The following DCDC1 variants were observed in gnomAD, a reference collection of about 807,000 sequenced individuals.
The protein encoded by DCDC1 is doublecortin domain containing 1, also known as doublecortin domain-containing protein 1.
DCDC1 carries 200 observed loss-of-function variants against 178.3 expected under a neutral mutation model. The observed-to-expected ratio is 1.12, with a 90% CI of 1.00 to 1.26. The LOEUF (loss-of-function observed/expected upper bound fraction) is 1.26, where lower values mean the gene tolerates loss of function less well. Ranked by LOEUF, DCDC1 falls within the 50% of genes most tolerant of loss-of-function variation. DCDC1 has a pLI of 0.00. For missense variants in DCDC1, 1,983 were observed against 1,749.2 expected (o/e 1.13, Z -2.38); for synonymous variants, 690 against 604.8 (o/e 1.14, Z -2.07).
chr11:30,910,849 G>A (rs1002459154), intron 28 of DCDC1, among the ~76,000 whole-genome samples: 2 of 152,192 alleles, frequency 1.3e-5, no homozygotes, highest in Non-Finnish European at 2.9e-5. Context: ...AATTTCAAAT[G>A]GGTTGTTTGG....
chr11:31,086,493 T>C (rs527904317), intron 17 of DCDC1, among the ~76,000 whole-genome samples: 1 of 152,342 alleles, frequency 6.6e-6, no homozygotes, highest in African/African-American at 2.4e-5. Flanking sequence ...GTGTGTGGCT[T>C]GTCTTTTCAT....
rs556049420 is a variant in DCDC1 at position 31,285,905 on chromosome 11, T to C, written c.960+4742A>G. Reference sequence around the variant, plus strand: ...CTTGTAGATGTTTTCTATTTCCCGATTTCTGAACTCCCTACACTCATTCTA... The same window carrying C: ...CTTGTAGATGTTTTCTATTTCCCGACTTCTGAACTCCCTACACTCATTCTA... On this transcript the variant is annotated intron_variant, in intron 7 of 38. Transcript: ENST00000684477. 2.0e-5 allele frequency among the ~76,000 whole-genome samples: 3 copies of C among 151,944 alleles called. No homozygotes were observed. In the South Asian group the frequency reaches 6.2e-4, roughly 32 times the overall value.
At chr11:31,050,598 C>T (rs1590879081) in intron 20 of DCDC1, among the ~76,000 whole-genome samples, 1 of 152,260 alleles carries the variant, frequency 6.6e-6, no homozygotes, top group Admixed American at 6.5e-5. Context: ...TCATGGAGTC[C>T]ACTGCACCTG....
At chr11:30,881,036 T>A (rs1942614692) in intron 37 of DCDC1, 122 bp downstream of exon 37, 3 of 1,114,514 alleles carry the variant, frequency 2.7e-6, no homozygotes, top group Admixed American at 5.5e-5. Context: ...TAACATGGAG[T>A]AGAAATGCTT....
intron 1 of DCDC1, among the ~76,000 whole-genome samples, chr11:31,363,412 A>G (rs2133399362): frequency 6.6e-6 from 1 of 152,300 alleles, no homozygotes; most frequent in South Asian, 2.1e-4. Context: ...TAACAATGAT[A>G]CTAATTATGT....
intron 11 of DCDC1, among the ~76,000 whole-genome samples, chr11:31,115,707 C>T (rs1959800666): frequency 6.6e-6 from 1 of 152,060 alleles, no homozygotes; most frequent in South Asian, 2.1e-4. Context: ...GATTTGCCTG[C>T]AGGAAGTTTA....
intron 1 of DCDC1, among the ~76,000 whole-genome samples, chr11:31,349,669 T>A (rs766699797): frequency 9.2e-5 from 14 of 152,140 alleles, no homozygotes; most frequent in Non-Finnish European, 1.6e-4. Context: ...TTTTACAGAT[T>A]TTTTTAAAAC....
chr11:30,909,175 G>A (rs1945276110), intron 28 of DCDC1, 59 bp from the exon 29 acceptor site: 1 of 1,423,976 alleles, frequency 7.0e-7, no homozygotes, highest in Non-Finnish European at 9.4e-7. Context: ...ATAGTGTCTT[G>A]TTTTTCATTG....
At chr11:30,958,122 G>A (rs956504541) in intron 20 of DCDC1, among the ~76,000 whole-genome samples, 7 of 152,134 alleles carry the variant, frequency 4.6e-5, no homozygotes, top group African/African-American at 1.7e-4. Flanking sequence ...GAAAGTATAG[G>A]TAACCAGAGC....
chr11:31,125,106 T>C (rs969451770), intron 11 of DCDC1, among the ~76,000 whole-genome samples: 1 of 152,014 alleles, frequency 6.6e-6, no homozygotes, highest in East Asian at 1.9e-4. Flanking sequence ...CATTAAAAAG[T>C]GGGCAAAGGA....
chr11:30,868,309 G>C (rs976828609), intron 38 of DCDC1, among the ~76,000 whole-genome samples: 1 of 144,120 alleles, frequency 6.9e-6, no homozygotes, highest in African/African-American at 2.7e-5. Flanking sequence ...GGAGTGTAGT[G>C]GTGTGATCTC....
chr11:31,272,316 A>C (rs1259963780), intron 7 of DCDC1, among the ~76,000 whole-genome samples: 1 of 152,132 alleles, frequency 6.6e-6, no homozygotes, highest in Non-Finnish European at 1.5e-5. Flanking sequence ...GGACATAGCC[A>C]AACCATATCA....
At position 31,233,145 on chromosome 11, in the gene DCDC1, G is replaced by T. The variant is rs370872790; in HGVS notation, c.1221+8305C>A. 1.4e-4 allele frequency among the ~76,000 whole-genome samples: 21 copies of T among 151,892 alleles called. No homozygotes were observed. The East Asian group carries it at 4.1e-3, about 29-fold the overall frequency. On this transcript the variant is annotated intron_variant, in intron 9 of 38. Coordinates refer to ENST00000684477, the MANE Select transcript of DCDC1 (RefSeq NM_001387274.1). The stretch of plus-strand genomic sequence containing the variant: ...TTAATCTTCACAACAGCTCAATGAG[G>T]TAAGTATTATTGTCTTATTATCTAT...
At chr11:31,099,426 T>C (rs1958356504) in intron 15 of DCDC1, among the ~76,000 whole-genome samples, 1 of 152,152 alleles carries the variant, frequency 6.6e-6, no homozygotes, top group South Asian at 2.1e-4. Flanking sequence ...TCCCTAATAT[T>C]GAATTAAGAC....
At chr11:30,922,775 C>G in intron 23 of DCDC1, 137 bp from the exon 24 acceptor site, 1 of 787,306 alleles carries the variant, frequency 1.3e-6, no homozygotes, top group Non-Finnish European at 1.8e-6. Context: ...AAACTGTGTA[C>G]CACTCAGTAC....
At chr11:31,232,212 T>C (rs1360067714) in intron 9 of DCDC1, among the ~76,000 whole-genome samples, 1 of 152,230 alleles carries the variant, frequency 6.6e-6, no homozygotes, top group Non-Finnish European at 1.5e-5. Context: ...CAACATGGGT[T>C]ATGAATTAAT....
Position 31,364,683 on chromosome 11 carries a change from A to T in DCDC1, c.-125+5014T>A, listed in dbSNP as rs1951873385. Among the ~76,000 whole-genome samples, 3 of 152,324 alleles carry T rather than the reference A, an allele frequency of 2.0e-5. No individual in the cohort carries two copies. The South Asian group carries it at 6.2e-4, about 32-fold the overall frequency. On this transcript the variant is annotated intron_variant, in intron 1 of 38. Coordinates refer to ENST00000684477, the MANE Select transcript of DCDC1 (RefSeq NM_001387274.1). Reference sequence around the variant, plus strand: ...CCTTGCACAAACTCAACGAAAGTTCATCGATGATGACTATTGTCAAAATGG... The same window carrying T: ...CCTTGCACAAACTCAACGAAAGTTCTTCGATGATGACTATTGTCAAAATGG...
intron 9 of DCDC1, among the ~76,000 whole-genome samples, chr11:31,183,393 T>C (rs2136299769): frequency 6.6e-6 from 1 of 152,196 alleles, no homozygotes; most frequent in East Asian, 1.9e-4. Flanking sequence ...TAACAAACAG[T>C]CTCTCAGACC....
At chr11:30,888,110 G>GAAAGAAAGAA (rs1565029928) in intron 36 of DCDC1, among the ~76,000 whole-genome samples, 5 of 105,930 alleles carry the variant, frequency 4.7e-5, no homozygotes, top group East Asian at 2.5e-4. Context: ...AAGAAAGAAA[G>GAAAGAAAGAA]AAAGAAAGAA....
Sources: allele counts gnomAD v4.1 joint callset (sites outside exome capture counted in the v4.1 genomes callset), GRCh38; gene constraint gnomAD v4.1.1; transcripts MANE v1.5; gene names NCBI Gene and HGNC (gene_info 2026-07-23, HGNC 2026-07-21).